Variants in VPS13C observed in about 807,000 individuals in gnomAD.
The protein encoded by VPS13C is vacuolar protein sorting 13 homolog C, also known as intermembrane lipid transfer protein VPS13C.
A neutral mutation model predicts 456.8 loss-of-function variants in VPS13C; 358 were observed. The ratio of observed to expected loss-of-function variants is 0.78; its 90% CI spans 0.72 to 0.86. The LOEUF is 0.86. Among genes scored for constraint, VPS13C ranks in the 40% least tolerant of loss-of-function variants. The probability of loss-of-function intolerance (pLI) is 0.00; values close to 1 mark genes in which losing one functional copy is unlikely to be tolerated. For synonymous variants in VPS13C, 1,578 were observed against 1,486.7 expected, an observed-to-expected ratio of 1.06 and a Z score of -1.41; for missense variants, 4,818 against 4,385.4, an observed-to-expected ratio of 1.10 and a Z score of -2.79.
chr15:61,966,917 C>T (rs36055710), intron 29 of VPS13C, among the ~76,000 whole-genome samples: 22,843 of 151,924 alleles, frequency 0.15, 2,246 homozygotes, highest in Non-Finnish European at 0.22. Flanking sequence ...TTAAACAAAT[C>T]GATTCATCTT....
At chr15:61,966,252 C>T (rs568823311) in intron 29 of VPS13C, 110 bp from the exon 30 acceptor site, 17 of 590,190 alleles carry the variant, frequency 2.9e-5, no homozygotes, top group Non-Finnish European at 4.4e-5. Flanking sequence ...ATTTTATATA[C>T]ACTGTATATT....
chr15:61,924,466 G>T (rs1454024571), intron 53 of VPS13C, among the ~76,000 whole-genome samples: 3 of 152,108 alleles, frequency 2.0e-5, no homozygotes, highest in Non-Finnish European at 2.9e-5. Context: ...TATCCCCAAT[G>T]CCTTGTAAAG....
chr15:61,865,370 T>G, intron 81 of VPS13C: 1 of 980,938 alleles, frequency 1.0e-6, no homozygotes, highest in Non-Finnish European at 1.2e-6. Context: ...GTCACCTCAA[T>G]AGATGGCAAT....
At position 62,041,349 on chromosome 15, in the gene VPS13C, A is replaced by G; in HGVS notation, c.162T>C (p.Pro54=). The change falls in exon 3 of 85, where the codon CCT becomes CCC. Residue 54 remains proline, a synonymous_variant. Transcript: ENST00000644861. ...KENALSELDV[P]FKVKAGQIDK... is the part of the protein sequence containing the mutation. ...CAATTTGGCCAGCCTTGACTTTAAAAGGAACATCCAATTCACTCTTCAGAA... is the reference window on the plus strand; with the variant it reads ...CAATTTGGCCAGCCTTGACTTTAAAGGGAACATCCAATTCACTCTTCAGAA... 6.2e-7 allele frequency: 1 copy of G among 1,607,220 alleles called. No individual in the cohort carries two copies. The highest frequency in any genetic ancestry group is 8.5e-7 in the Non-Finnish European group (1 of 1,178,432).
At chr15:62,034,506 G>GA (rs1230512230) in intron 4 of VPS13C, among the ~76,000 whole-genome samples, 2 of 151,042 alleles carry the variant, frequency 1.3e-5, no homozygotes, top group Admixed American at 6.6e-5. Flanking sequence ...CATTTCGAAG[G>GA]AAAAAATTAC....
Position 61,896,659 on chromosome 15 carries a change from G to A in VPS13C, c.9106-6259C>T, listed in dbSNP as rs1362268798. Among the ~76,000 whole-genome samples, 7 of 152,370 alleles carry A rather than the reference G, an allele frequency of 4.6e-5. No individual in the cohort carries two copies. The South Asian group carries it at 1.0e-3, about 23-fold the overall frequency. On this transcript the variant is annotated intron_variant, in intron 66 of 84. Coordinates refer to ENST00000644861, the MANE Select transcript of VPS13C (RefSeq NM_020821.3). ...CAGTCTGAGATCAAACTGCAAGGCGGCAGCGAGGCTGGGGGAGGGGTGCCC... is the reference window on the plus strand; with the variant it reads ...CAGTCTGAGATCAAACTGCAAGGCGACAGCGAGGCTGGGGGAGGGGTGCCC...
intron 66 of VPS13C, among the ~76,000 whole-genome samples, chr15:61,900,291 G>A (rs2042956933): frequency 6.6e-6 from 1 of 152,204 alleles, no homozygotes; most frequent in African/African-American, 2.4e-5. Context: ...GGAACTAAAG[G>A]GTATTCAATT....
At chr15:62,006,097 C>A (rs975877666) in intron 15 of VPS13C, among the ~76,000 whole-genome samples, 3 of 120,556 alleles carry the variant, frequency 2.5e-5, no homozygotes, top group Non-Finnish European at 5.5e-5. Context: ...TAAAGAAATT[C>A]TTATTTTTTT....
intron 35 of VPS13C, 121 bp downstream of exon 35, chr15:61,961,468 C>G (rs2045204954): frequency 1.1e-6 from 1 of 903,140 alleles, no homozygotes; most frequent in African/African-American, 1.7e-5. Flanking sequence ...ATAAAAAAAA[C>G]TGTTCCGTGT....
intron 9 of VPS13C, among the ~76,000 whole-genome samples, chr15:62,016,239 T>C (rs1278671414): frequency 2.0e-5 from 3 of 151,148 alleles, no homozygotes; most frequent in Admixed American, 2.0e-4. Flanking sequence ...TGGTATGATA[T>C]ATGGTTCACT....
Position 61,958,660 on chromosome 15 carries a change from G to A in VPS13C, c.4113C>T (p.Leu1371=). 1 of 1,573,608 alleles carries A rather than the reference G, an allele frequency of 6.4e-7. No individual in the cohort carries two copies. Among genetic ancestry groups the A allele is most frequent in the South Asian group, 1.2e-5 (1 of 83,660 alleles). ...TATCCAAGTCTTCAGTACCCTCACA[G>A]AGATTTTCTGTTAGTATCCTAAATA... The part of the protein sequence containing the change: ...NLLFRILTEN[L]CEGTEDLDKV... The change falls in exon 37 of 85, where the codon CTC becomes CTT. Residue 1371 remains leucine (L), a synonymous_variant. Transcript: ENST00000644861.
At chr15:61,989,326 A>G (rs1420282442) in intron 18 of VPS13C, among the ~76,000 whole-genome samples, 3 of 151,994 alleles carry the variant, frequency 2.0e-5, no homozygotes, top group Non-Finnish European at 4.4e-5. Flanking sequence ...ACTTCAACCC[A>G]GGAGGCAGAG....
At position 61,915,780 on chromosome 15, in the gene VPS13C, C is replaced by T. The variant is rs777128535; in HGVS notation, c.8298G>A (p.Leu2766=). ...TTAACCAATAGGGACTAAAGACAGACAGCACCATCCGGCTGCCAATTCTCC... is the reference window on the plus strand; with the variant it reads ...TTAACCAATAGGGACTAAAGACAGATAGCACCATCCGGCTGCCAATTCTCC... ...HVRRIGSRMV[L]SVFSPYWLIN... is the part of the protein sequence containing the mutation. Residue 2766 remains leucine, a synonymous_variant, in exon 61 of 85, where the codon CTG becomes CTA. Transcript: ENST00000644861. 3.1e-6 allele frequency: 5 copies of T among 1,614,136 alleles called. No individual in the cohort carries two copies. The highest frequency in any genetic ancestry group is 2.2e-5 in the East Asian group (1 of 44,882).
intron 43 of VPS13C, among the ~76,000 whole-genome samples, chr15:61,946,961 T>A (rs1156517507): frequency 6.6e-6 from 1 of 152,148 alleles, no homozygotes. Context: ...TAATGATTTC[T>A]GCAACTGCAT....
intron 62 of VPS13C, 56 bp from the exon 63 acceptor site, chr15:61,912,060 A>G: frequency 7.2e-7 from 1 of 1,386,376 alleles, no homozygotes; most frequent in East Asian, 2.5e-5. Context: ...TGAAATATAT[A>G]CACATCCCCT....
Position 61,913,366 on chromosome 15 carries a change from T to G in VPS13C, c.8495A>C (p.Asp2832Ala). 1 of 1,614,070 alleles carries G rather than the reference T, an allele frequency of 6.2e-7. No individual in the cohort carries two copies. The highest frequency in any genetic ancestry group is 8.5e-7 in the Non-Finnish European group (1 of 1,179,978). ...TSAWSSSFSL[D>A]TVGSYGCVKC... ...CACACACCCATAACTTCCCACTGTA[T>G]CCAATGAGAAACTACTGGACCAGGC... Residue 2832 changes from aspartate (D) to alanine (A), a missense_variant, in exon 62 of 85, where the codon GAT becomes GCT. Asp to Ala is a moderately radical substitution (Grantham distance 126, BLOSUM62 -2). Transcript: ENST00000644861.
Position 61,946,342 on chromosome 15 carries a change from C to G in VPS13C, c.4945G>C (p.Val1649Leu). The G allele has an allele frequency of 6.2e-7, 1 of 1,607,550 alleles. No homozygotes were observed. Among genetic ancestry groups the G allele is most frequent in the Non-Finnish European group, 8.5e-7 (1 of 1,177,500 alleles). Residue 1649 changes from valine to leucine, a missense_variant, in exon 44 of 85, where the codon GTT becomes CTT. By Grantham distance (32) the Val-to-Leu change is conservative. Transcript: ENST00000644861. ...ATGGACTGCAAATCTACATTCATAA[C>G]TATAATATCTTTAAGTCTGGCAAAC... is the stretch of plus-strand genomic sequence containing the variant. ...DVFARLKDII[V>L]MNVDLQSIHK...
In VPS13C at chr15:62,044,194, A is replaced by G; in HGVS notation, c.144+18T>C. 1 of 1,466,912 alleles carries G rather than the reference A, an allele frequency of 6.8e-7. No individual in the cohort carries two copies. Among genetic ancestry groups the G allele is most frequent in the Non-Finnish European group, 9.4e-7 (1 of 1,065,416 alleles). The allele number at this position is 1,466,912 out of a possible 1,614,324, so 90.9% of individuals were successfully genotyped here. A position where few individuals can be genotyped will look rare whatever the true frequency, so the allele number is the denominator to read the frequency against. On this transcript the variant is annotated intron_variant, in intron 2 of 84. Coordinates refer to ENST00000644861, the MANE Select transcript of VPS13C (RefSeq NM_020821.3). ...ACCAAATTAAGTGAGTTATTAGCATAGTTTAAAAAAAACTTACCAGGGCAT... is the reference window on the plus strand; with the variant it reads ...ACCAAATTAAGTGAGTTATTAGCATGGTTTAAAAAAAACTTACCAGGGCAT...
chr15:62,020,865 C>T (rs2140566336), intron 8 of VPS13C, among the ~76,000 whole-genome samples: 1 of 151,914 alleles, frequency 6.6e-6, no homozygotes, highest in Admixed American at 6.6e-5. Flanking sequence ...AAGATTTTTT[C>T]ACAGATAAAT....
Sources: allele counts gnomAD v4.1 joint callset (sites outside exome capture counted in the v4.1 genomes callset), GRCh38; gene constraint gnomAD v4.1.1; transcripts MANE v1.5; gene names NCBI Gene and HGNC (gene_info 2026-07-23, HGNC 2026-07-21).